UNC45B: variants seen among roughly 807,000 people sequenced by gnomAD.
UNC45B encodes the protein protein unc-45 homolog B.
In UNC45B, 78 loss-of-function variants were observed where a neutral mutation model predicts 98.7. That is an observed-to-expected ratio of 0.79 (90% CI 0.66 to 0.95). UNC45B has a LOEUF of 0.95. Ranked by LOEUF, UNC45B falls within the 40% of genes least tolerant of loss-of-function variation. The probability of loss-of-function intolerance (pLI) is 0.00; values close to 1 mark genes in which losing one functional copy is unlikely to be tolerated. For missense variants in UNC45B, 1,225 were observed against 1,184.9 expected (o/e 1.03, Z -0.50); for synonymous variants, 462 against 480.4 (o/e 0.96, Z 0.50).
At chr17:35,170,554 A>AG (rs2092177780) in intron 12 of UNC45B, among the ~76,000 whole-genome samples, 1 of 136,432 alleles carries the variant, frequency 7.3e-6, no homozygotes, top group Admixed American at 7.4e-5. Flanking sequence ...AAAAAAAAAA[A>AG]GCAGGGCATC....
Position 35,154,673 on chromosome 17 carries a change from A to C in UNC45B, c.571A>C (p.Lys191Gln). Reference sequence around the variant, plus strand: ...CTTGCTACTGCAGCTTCTGGACACTAAGAAGCCTGAGCTGGTGCTGGCTGC... The same window carrying C: ...CTTGCTACTGCAGCTTCTGGACACTCAGAAGCCTGAGCTGGTGCTGGCTGC... ...VALLLQLLDT[K>Q]KPELVLAAVR... The change falls in exon 6 of 20, where the codon AAG (lysine) becomes CAG (glutamine). Residue 191 changes from lysine to glutamine, a missense_variant. Transcript: ENST00000394570. 1 of 1,612,582 alleles carries C rather than the reference A, an allele frequency of 6.2e-7. No homozygotes were observed. Among genetic ancestry groups the C allele is most frequent in the Non-Finnish European group, 8.5e-7 (1 of 1,179,664 alleles).
rs11658042 is a variant in UNC45B, at chr17:35,175,859, C to T, written c.1959-109C>T. 102,818 of 1,006,926 alleles carry T rather than the reference C, an allele frequency of 0.1. 6,194 individuals carry two copies. The highest frequency in any genetic ancestry group is 0.12 in the Middle Eastern group (433 of 3,474). 62.4% of individuals were successfully genotyped at this position (1,006,926 alleles called of 1,614,324 possible). On this transcript the variant is annotated intron_variant, in intron 14 of 19. Coordinates refer to ENST00000394570, the MANE Select transcript of UNC45B (RefSeq NM_001267052.2). ...CACAAGTGGCACTTTCCATAGTCTC[C>T]CTTTTCATCCCAGGGTTTCACTGGC...
chr17:35,180,253 TGAGAGAGAGAGAGAGA>T (rs56300196), intron 17 of UNC45B, among the ~76,000 whole-genome samples: 14 of 139,960 alleles, frequency 1.0e-4, no homozygotes, highest in African/African-American at 3.5e-4. Context: ...ACATCCAGGA[TGAGAGAGAGAGAGAGA>T]GAGAGAGAGA....
chr17:35,174,099 C>T (rs2142577343), intron 13 of UNC45B, 143 bp from the exon 14 acceptor site: 1 of 1,191,508 alleles, frequency 8.4e-7, no homozygotes, highest in Non-Finnish European at 1.2e-6. Flanking sequence ...GCATGAGCCA[C>T]TGTGCCTGGC....
In UNC45B at chr17:35,150,080, C is replaced by T. The variant is rs2092005764; in HGVS notation, c.238C>T (p.Leu80=). Reference sequence around the variant, plus strand: ...CATCAACTCCTCGGACATCAAGGCTCTGTATCGGCGATGCCAGGCACTGGA... The same window carrying T: ...CATCAACTCCTCGGACATCAAGGCTTTGTATCGGCGATGCCAGGCACTGGA... ...IDINSSDIKA[L]YRRCQALEHL... Residue 80 remains leucine, a synonymous_variant, in exon 4 of 20, where the codon CTG becomes TTG. Coordinates refer to ENST00000394570, the MANE Select transcript of UNC45B (RefSeq NM_001267052.2). The T allele has an allele frequency of 1.2e-6, 2 of 1,612,252 alleles. No individual in the cohort carries two copies. The highest frequency in any genetic ancestry group is 4.5e-5 in the East Asian group (2 of 44,756).
chr17:35,154,490 C>T, intron 5 of UNC45B, 84 bp from the exon 6 acceptor site: 1 of 1,309,824 alleles, frequency 7.6e-7, no homozygotes. Context: ...AGTCTTTGCA[C>T]TGGCTCTTCT....
At chr17:35,158,732 AT>A (rs1403424949) in intron 7 of UNC45B, among the ~76,000 whole-genome samples, 1 of 152,172 alleles carries the variant, frequency 6.6e-6, no homozygotes, top group East Asian at 1.9e-4. Flanking sequence ...ATCTGCTTAC[AT>A]CTTTCCTTCT....
In UNC45B at chr17:35,184,052, G is replaced by A. The variant is rs1442687475; in HGVS notation, c.2529+470G>A. Among the ~76,000 whole-genome samples the A allele has an allele frequency of 3.3e-5, 5 of 152,318 alleles. No homozygotes were observed. In the South Asian group the frequency reaches 6.2e-4, roughly 19 times the overall value. ...AAATGATATCTGTATAGTCACAAAC[G>A]TGGGAGTGCACAATGAAACTTTCCT... On this transcript the variant is annotated intron_variant, in intron 19 of 19. Coordinates refer to ENST00000394570, the MANE Select transcript of UNC45B (RefSeq NM_001267052.2).
intron 8 of UNC45B, among the ~76,000 whole-genome samples, chr17:35,160,230 T>C (rs2092093289): frequency 6.6e-6 from 1 of 152,182 alleles, no homozygotes; most frequent in African/African-American, 2.4e-5. Context: ...AAATGATCAC[T>C]TTACATAAGA....
At position 35,171,482 on chromosome 17, in the gene UNC45B, G is replaced by T. The variant is rs770858973; in HGVS notation, c.1830+20G>T. On this transcript the variant is annotated intron_variant, in intron 13 of 19. Transcript: ENST00000394570. ...CCCAAGGTAGGGTCAGGCGCGACCCGGGAGGGGTCTGGTCTGTGCCACTAG... is the reference window on the plus strand; with the variant it reads ...CCCAAGGTAGGGTCAGGCGCGACCCTGGAGGGGTCTGGTCTGTGCCACTAG... 1 of 1,612,450 alleles carries T rather than the reference G, an allele frequency of 6.2e-7. No individual in the cohort carries two copies. The highest frequency in any genetic ancestry group is 1.3e-5 in the African/African-American group (1 of 74,922).
intron 14 of UNC45B, 108 bp from the exon 15 acceptor site, chr17:35,175,860 C>A: frequency 9.5e-7 from 1 of 1,047,638 alleles, no homozygotes; most frequent in Non-Finnish European, 1.5e-6. Flanking sequence ...CATAGTCTCC[C>A]TTTTCATCCC....
chr17:35,186,804 A>T lies in UNC45B; in HGVS notation c.*245A>T, dbSNP rs2092307117. 1 of 400,778 alleles carries T rather than the reference A, an allele frequency of 2.5e-6. No homozygotes were observed. The highest frequency in any genetic ancestry group is 4.5e-6 in the Non-Finnish European group (1 of 224,126). 24.8% of individuals were successfully genotyped at this position (400,778 alleles called of 1,614,324 possible). A position where few individuals can be genotyped will look rare whatever the true frequency, so the allele number is the denominator to read the frequency against. On this transcript the variant is annotated 3_prime_UTR_variant, in exon 20 of 20. Transcript: ENST00000394570. The stretch of plus-strand genomic sequence containing the variant: ...TTTGTCATGTTTCAGAAATTCCCAG[A>T]ATAATTTTCACCCATGATTAGAAAT...
chr17:35,164,068 C>G lies in UNC45B; in HGVS notation c.1053C>G (p.Thr351=). 1.2e-6 allele frequency: 2 copies of G among 1,614,064 alleles called. No individual in the cohort carries two copies. Among genetic ancestry groups the G allele is most frequent in the Non-Finnish European group, 1.7e-6 (2 of 1,179,996 alleles). Residue 351 remains threonine (T), a synonymous_variant, in exon 9 of 20, where the codon ACC becomes ACG. Transcript: ENST00000394570. The part of the protein sequence containing the change: ...LPSCLPLTDN[T]RMLASILINK... ...CCTGCCTGCCCCTGACTGACAACAC[C>G]CGCATGCTGGCCTCTATCCTCATCA...
At chr17:35,179,713 G>A (rs1025027908) in intron 17 of UNC45B, among the ~76,000 whole-genome samples, 2 of 151,840 alleles carry the variant, frequency 1.3e-5, no homozygotes, top group Non-Finnish European at 2.9e-5. Context: ...AGAACACATG[G>A]ACACAGGGCG....
At chr17:35,150,247 C>A in intron 4 of UNC45B, 24 bp downstream of exon 4, 1 of 1,589,476 alleles carries the variant, frequency 6.3e-7, no homozygotes, top group South Asian at 1.2e-5. Flanking sequence ...CTTCCCACAA[C>A]CCTTGGCTGC....
intron 18 of UNC45B, 102 bp downstream of exon 18, chr17:35,180,778 T>A: frequency 1.3e-6 from 1 of 775,820 alleles, no homozygotes; most frequent in Non-Finnish European, 2.1e-6. Context: ...ATGATGGCAT[T>A]AAGGTAGCAT....
At chr17:35,176,062 G>A in intron 15 of UNC45B, 28 bp downstream of exon 15, 1 of 1,610,576 alleles carries the variant, frequency 6.2e-7, no homozygotes, top group Non-Finnish European at 8.5e-7. Flanking sequence ...TTCCTAGAAG[G>A]TGCCTTTGTG....
intron 8 of UNC45B, among the ~76,000 whole-genome samples, chr17:35,163,162 G>T (rs1364295668): frequency 1.3e-5 from 2 of 152,230 alleles, no homozygotes; most frequent in Non-Finnish European, 2.9e-5. Flanking sequence ...TGAAGTGAAT[G>T]TGTATAAAGC....
At chr17:35,184,830 G>T (rs2092294104) in intron 19 of UNC45B, among the ~76,000 whole-genome samples, 1 of 152,114 alleles carries the variant, frequency 6.6e-6, no homozygotes, top group Non-Finnish European at 1.5e-5. Context: ...GCTTCCTGGG[G>T]ACTCTGTGAA....
Sources: gnomAD v4.1 joint callset for allele counts (sites outside exome capture counted in the v4.1 genomes callset) on GRCh38, gnomAD v4.1.1 for gene constraint, MANE v1.5 for transcripts, NCBI Gene and HGNC (gene_info 2026-07-23, HGNC 2026-07-21) for gene names.